The following JAZF1 variants were observed in gnomAD, a reference collection of about 807,000 sequenced individuals.
The protein encoded by JAZF1 is JAZF zinc finger 1.
JAZF1 carries 8 observed loss-of-function variants against 26.4 expected under a neutral mutation model. The ratio of observed to expected loss-of-function variants is 0.30; its 90% CI spans 0.18 to 0.55. The LOEUF (loss-of-function observed/expected upper bound fraction) is 0.55, where lower values mean the gene tolerates loss of function less well. Among genes scored for constraint, JAZF1 ranks in the 20% least tolerant of loss-of-function variants. The probability of loss-of-function intolerance (pLI) is 0.94; values close to 1 mark genes in which losing one functional copy is unlikely to be tolerated. For synonymous variants in JAZF1, 126 were observed against 122.3 expected (o/e 1.03, Z -0.20); for missense variants, 199 against 322.0 (o/e 0.62, Z 2.92).
At chr7:27,975,556 G>A (rs556604426) in intron 2 of JAZF1, among the ~76,000 whole-genome samples, 79 of 152,264 alleles carry the variant, frequency 5.2e-4, no homozygotes, top group African/African-American at 1.9e-3. Flanking sequence ...TGGTCAATAG[G>A]TCAACTTCAC....
chr7:27,873,631 T>A (rs2128338330), intron 3 of JAZF1, among the ~76,000 whole-genome samples: 1 of 152,348 alleles, frequency 6.6e-6, no homozygotes, highest in South Asian at 2.1e-4. Flanking sequence ...CCAGTAGATG[T>A]GCCTACTACC....
chr7:28,065,546 TC>T (rs1783867592), intron 1 of JAZF1, among the ~76,000 whole-genome samples: 1 of 152,204 alleles, frequency 6.6e-6, no homozygotes, highest in African/African-American at 2.4e-5. Flanking sequence ...CACGATCCTA[TC>T]CCAACATGTG....
intron 2 of JAZF1, among the ~76,000 whole-genome samples, chr7:27,983,177 T>C (rs1488965584): frequency 1.3e-5 from 2 of 152,122 alleles, no homozygotes; most frequent in Non-Finnish European, 2.9e-5. Flanking sequence ...TTCGAACCCA[T>C]GGCAAAGAAG....
At chr7:28,001,308 T>A (rs1786155167) in intron 1 of JAZF1, among the ~76,000 whole-genome samples, 1 of 151,852 alleles carries the variant, frequency 6.6e-6, no homozygotes, top group Admixed American at 6.6e-5. Context: ...GCCGAGAACG[T>A]GCCACTGCAC....
intron 2 of JAZF1, among the ~76,000 whole-genome samples, chr7:27,942,375 A>C (rs1045862126): frequency 1.3e-5 from 2 of 152,216 alleles, no homozygotes; most frequent in African/African-American, 4.8e-5. Flanking sequence ...AGAATTCAAA[A>C]GCAAAGACGA....
intron 1 of JAZF1, among the ~76,000 whole-genome samples, chr7:28,102,330 TA>T (rs1409868734): frequency 6.6e-6 from 1 of 152,250 alleles, no homozygotes; most frequent in Admixed American, 6.5e-5. Context: ...TTGTGAGAAT[TA>T]AAAGACATAT....
intron 1 of JAZF1, among the ~76,000 whole-genome samples, chr7:28,120,897 C>T (rs57343928): frequency 0.047 from 7,075 of 152,110 alleles, 425 homozygotes; most frequent in East Asian, 0.22. Context: ...ATTACCCCCA[C>T]GCCTTGAAAT....
chr7:28,140,381 C>T (rs1446966598), intron 1 of JAZF1, among the ~76,000 whole-genome samples: 2 of 152,038 alleles, frequency 1.3e-5, no homozygotes, highest in African/African-American at 4.8e-5. Flanking sequence ...CCATGCCCAG[C>T]CAAAAGTCAC....
chr7:27,928,858 G>A (rs980857533), intron 2 of JAZF1, among the ~76,000 whole-genome samples: 11 of 152,174 alleles, frequency 7.2e-5, no homozygotes, highest in African/African-American at 2.7e-4. Flanking sequence ...GTACCTGGAC[G>A]ATGAAACAAT....
At chr7:27,946,491 G>A (rs1031406332) in intron 2 of JAZF1, among the ~76,000 whole-genome samples, 11 of 152,196 alleles carry the variant, frequency 7.2e-5, no homozygotes, top group African/African-American at 2.7e-4. Context: ...ACATCCGAGA[G>A]TCTCCATGAT....
At chr7:28,155,410 T>C (rs951234809) in intron 1 of JAZF1, among the ~76,000 whole-genome samples, 1 of 152,178 alleles carries the variant, frequency 6.6e-6, no homozygotes, top group African/African-American at 2.4e-5. Context: ...GAATAATACA[T>C]CACTCTTCTG....
At chr7:27,994,254 G>C (rs1016059694) in intron 1 of JAZF1, among the ~76,000 whole-genome samples, 1 of 152,112 alleles carries the variant, frequency 6.6e-6, no homozygotes, top group African/African-American at 2.4e-5. Context: ...ACTGCATCTT[G>C]TAATCTTGAT....
intron 1 of JAZF1, among the ~76,000 whole-genome samples, chr7:28,040,891 C>T (rs913696949): frequency 2.0e-4 from 31 of 152,134 alleles, no homozygotes; most frequent in Admixed American, 5.2e-4. Context: ...TCCATTTAAT[C>T]GGCTAATATT....
chr7:27,994,496 G>A (rs1377672203), intron 1 of JAZF1, among the ~76,000 whole-genome samples: 1 of 151,252 alleles, frequency 6.6e-6, no homozygotes, highest in African/African-American at 2.4e-5. Flanking sequence ...AAACCATTTG[G>A]AAGCACCTCA....
At chr7:28,041,996 AT>A (rs1783400066) in intron 1 of JAZF1, among the ~76,000 whole-genome samples, 1 of 152,190 alleles carries the variant, frequency 6.6e-6, no homozygotes, top group African/African-American at 2.4e-5. Context: ...ACAGTCACAG[AT>A]GGTGGGGTCA....
At chr7:28,100,907 G>GA (rs915401444) in intron 1 of JAZF1, among the ~76,000 whole-genome samples, 3 of 152,118 alleles carry the variant, frequency 2.0e-5, no homozygotes, top group Admixed American at 6.5e-5. Context: ...TTAAAAACTG[G>GA]AAAAAACAAA....
At position 28,170,606 on chromosome 7, in the gene JAZF1, T is replaced by G. The variant is rs113050831; in HGVS notation, c.115+9857A>C. ...ACCCTCCTGTCCTACCTAAGTGTTT[T>G]CTTCAGAAGCCTTGACACATTCAGA... On this transcript the variant is annotated intron_variant, in intron 1 of 4. Transcript: ENST00000283928. Among the ~76,000 whole-genome samples the G allele has an allele frequency of 3.7e-3, 560 of 152,268 alleles. 1 individual carries two copies. The highest frequency in any genetic ancestry group is 0.01 in the Middle Eastern group (3 of 294).
At chr7:28,036,192 T>C (rs191578516) in intron 1 of JAZF1, among the ~76,000 whole-genome samples, 69 of 152,336 alleles carry the variant, frequency 4.5e-4, no homozygotes, top group Non-Finnish European at 8.7e-4. Flanking sequence ...CATTTTAACA[T>C]GCAGCACTCT....
At chr7:28,000,940 G>C (rs933552413) in intron 1 of JAZF1, among the ~76,000 whole-genome samples, 1 of 152,040 alleles carries the variant, frequency 6.6e-6, no homozygotes, top group African/African-American at 2.4e-5. Flanking sequence ...TCTTAATGGA[G>C]ACAAATAAAT....
Sources: gnomAD v4.1 joint callset for allele counts (sites outside exome capture counted in the v4.1 genomes callset) on GRCh38, gnomAD v4.1.1 for gene constraint, MANE v1.5 for transcripts, NCBI Gene and HGNC (gene_info 2026-07-23, HGNC 2026-07-21) for gene names.